LSM14A: variants seen among roughly 807,000 people sequenced by gnomAD.
The protein encoded by LSM14A is protein LSM14 homolog A.
In LSM14A, 14 loss-of-function variants were observed where a neutral mutation model predicts 52.4. That is an observed-to-expected ratio of 0.27 (90% CI 0.18 to 0.42). The LOEUF is 0.42. Ranked by LOEUF, LSM14A falls within the 10% of genes least tolerant of loss-of-function variation. LSM14A has a pLI of 1.00. For missense variants in LSM14A, 417 were observed against 581.8 expected, an observed-to-expected ratio of 0.72 and a Z score of 2.91; for synonymous variants, 185 against 200.3, an observed-to-expected ratio of 0.92 and a Z score of 0.64.
intron 6 of LSM14A, among the ~76,000 whole-genome samples, chr19:34,216,513 G>T (rs1446314009): frequency 6.6e-6 from 1 of 151,950 alleles, no homozygotes; most frequent in African/African-American, 2.4e-5. Flanking sequence ...AGGCTGTAGT[G>T]CAGTGGTGTG....
At chr19:34,194,694 G>T in intron 2 of LSM14A, 53 bp downstream of exon 2, 1 of 1,566,792 alleles carries the variant, frequency 6.4e-7, no homozygotes, top group Non-Finnish European at 8.8e-7. Context: ...CACAGGGTTA[G>T]CCTTGGCTTT....
chr19:34,205,216 G>T (rs554263045), intron 3 of LSM14A, among the ~76,000 whole-genome samples: 1 of 151,474 alleles, frequency 6.6e-6, no homozygotes, highest in Non-Finnish European at 1.5e-5. Flanking sequence ...GCCAGGTGTG[G>T]TGTCTCCCAC....
At chr19:34,200,985 C>T (rs555139465) in intron 3 of LSM14A, among the ~76,000 whole-genome samples, 4 of 152,206 alleles carry the variant, frequency 2.6e-5, no homozygotes, top group African/African-American at 9.6e-5. Flanking sequence ...GGATCAAGCA[C>T]GTAGTATCTA....
rs1205177052 is a variant in LSM14A at position 34,215,207 on chromosome 19, G to T, written c.622G>T (p.Ala208Ser). Reference sequence around the variant, plus strand: ...GCAGACCGCCTCAGCCCACTTACCTGCTCCAGCAGCTGTTGGGAGAAGGAG... The same window carrying T: ...GCAGACCGCCTCAGCCCACTTACCTTCTCCAGCAGCTGTTGGGAGAAGGAG... Reference protein sequence around the residue: ...AVQTASAHLPAPAAVGRRSPV... With the variant: ...AVQTASAHLPSPAAVGRRSPV... The change falls in exon 5 of 10, where the codon GCT (alanine) becomes TCT (serine). Residue 208 changes from alanine to serine, a missense_variant. Physicochemically the swap from Ala to Ser is moderately conservative, Grantham distance 99. Around this residue, in one of 2 missense-constraint regions of LSM14A, gnomAD observed 357 missense variants for 457.0 expected, o/e 0.78. Coordinates refer to ENST00000544216, the MANE Select transcript of LSM14A (RefSeq NM_015578.4). 1 of 1,614,146 alleles carries T rather than the reference G, an allele frequency of 6.2e-7. No homozygotes were observed.
At chr19:34,221,896 A>G in intron 9 of LSM14A, 158 bp downstream of exon 9, 1 of 1,373,734 alleles carries the variant, frequency 7.3e-7, no homozygotes, top group Non-Finnish European at 9.6e-7. Flanking sequence ...TCAGATGTAT[A>G]TATAAAGACA....
Position 34,221,706 on chromosome 19 carries a change from G to T in LSM14A, c.1336G>T (p.Gly446Trp). Residue 446 changes from glycine (G) to tryptophan (W), a missense_variant, in exon 9 of 10, where the codon GGG becomes TGG. By Grantham distance (184) the Gly-to-Trp change is radical (BLOSUM62 -2). This residue lies in a region of LSM14A where 357 missense variants were observed against 457.0 expected (regional missense o/e 0.78). Coordinates refer to ENST00000544216, the MANE Select transcript of LSM14A (RefSeq NM_015578.4). ...GFRGGFRGGR[G>W]GREFADFEYR... The stretch of plus-strand genomic sequence containing the variant: ...TCGCGGTGGATTCAGAGGAGGTCGT[G>T]GGGGCCGGGAGTTTGCGGATTTTGA... The T allele has an allele frequency of 6.2e-7, 1 of 1,613,844 alleles. No individual in the cohort carries two copies. Among genetic ancestry groups the T allele is most frequent in the Non-Finnish European group, 8.5e-7 (1 of 1,179,778 alleles).
chr19:34,205,123 C>T (rs1047030985), intron 3 of LSM14A, among the ~76,000 whole-genome samples: 1 of 152,004 alleles, frequency 6.6e-6, no homozygotes, highest in Non-Finnish European at 1.5e-5. Flanking sequence ...CAGGGCAAGA[C>T]TTTGTCTCAA....
In LSM14A at chr19:34,215,106, C is replaced by T. The variant is rs759413692; in HGVS notation, c.539-18C>T. 21 of 1,589,060 alleles carry T rather than the reference C, an allele frequency of 1.3e-5. No homozygotes were observed. Among genetic ancestry groups the T allele is most frequent in the Middle Eastern group, 1.8e-4 (1 of 5,490 alleles). On this transcript the variant is annotated intron_variant, in intron 4 of 9. Coordinates refer to ENST00000544216, the MANE Select transcript of LSM14A (RefSeq NM_015578.4). ...AATCCCCAATAGGGTAGTTTGTTATCTTTTGGTTACATTTTAGGTCGCTCA... is the reference window on the plus strand; with the variant it reads ...AATCCCCAATAGGGTAGTTTGTTATTTTTTGGTTACATTTTAGGTCGCTCA...
At position 34,176,281 on chromosome 19, in the gene LSM14A, CT is replaced by C. The variant is rs573167728; in HGVS notation, c.121+3530del. Among the ~76,000 whole-genome samples the C allele has an allele frequency of 7.9e-3, 1,155 of 146,028 alleles. 13 individuals are homozygous for C. Among genetic ancestry groups the C allele is most frequent in the African/African-American group, 0.021 (832 of 40,110 alleles). On this transcript the variant is annotated intron_variant, in intron 1 of 9. Transcript: ENST00000544216. ...AACAGTCTTAGCATTCTCTTTTGAA[CT>C]TTTTTTTTTTTAATTTCTCAGGGAG...
At chr19:34,187,262 A>G (rs1445483110) in intron 1 of LSM14A, among the ~76,000 whole-genome samples, 1 of 151,712 alleles carries the variant, frequency 6.6e-6, no homozygotes. Flanking sequence ...AAAAAAAAAA[A>G]AGTTCAGGCT....
intron 3 of LSM14A, among the ~76,000 whole-genome samples, chr19:34,197,523 C>T (rs934060793): frequency 1.3e-5 from 2 of 148,472 alleles, no homozygotes; most frequent in African/African-American, 2.5e-5. Flanking sequence ...ACTGCAACCT[C>T]CACCTCCCAG....
At chr19:34,215,770 G>T in intron 6 of LSM14A, 109 bp downstream of exon 6, 1 of 767,376 alleles carries the variant, frequency 1.3e-6, no homozygotes, top group Non-Finnish European at 2.2e-6. Flanking sequence ...GGTTGTGACT[G>T]TAAAGGAGGA....
intron 3 of LSM14A, among the ~76,000 whole-genome samples, chr19:34,207,546 T>A (rs2071794494): frequency 6.6e-6 from 1 of 151,570 alleles, no homozygotes; most frequent in South Asian, 2.1e-4. Context: ...TTTTTTTTTT[T>A]TTTGAGACAG....
At chr19:34,173,258 G>A (rs141289842) in intron 1 of LSM14A, among the ~76,000 whole-genome samples, 2 of 152,314 alleles carry the variant, frequency 1.3e-5, no homozygotes, top group African/African-American at 2.4e-5. Context: ...GGTTTGCTCT[G>A]CGACGCAGAC....
intron 1 of LSM14A, among the ~76,000 whole-genome samples, chr19:34,186,189 G>A (rs1312513810): frequency 2.0e-5 from 3 of 152,322 alleles, no homozygotes; most frequent in East Asian, 1.9e-4. Flanking sequence ...TTCTAGAAGG[G>A]TAGTATAGAC....
At chr19:34,175,903 T>C (rs2069057062) in intron 1 of LSM14A, among the ~76,000 whole-genome samples, 1 of 152,130 alleles carries the variant, frequency 6.6e-6, no homozygotes, top group African/African-American at 2.4e-5. Context: ...TTGCCCAGGC[T>C]GGAGTGCAGT....
At chr19:34,208,894 A>T (rs1284320359) in intron 3 of LSM14A, 35 bp from the exon 4 acceptor site, 6 of 1,474,682 alleles carry the variant, frequency 4.1e-6, no homozygotes, top group Admixed American at 2.4e-5. Context: ...AACATTTTTT[A>T]AAATTTTTTT....
At chr19:34,184,217 G>A (rs2069718468) in intron 1 of LSM14A, among the ~76,000 whole-genome samples, 1 of 152,002 alleles carries the variant, frequency 6.6e-6, no homozygotes, top group Non-Finnish European at 1.5e-5. Flanking sequence ...CACCATGCCA[G>A]CTAATTTTTG....
At chr19:34,196,557 T>TA in intron 2 of LSM14A, 77 bp from the exon 3 acceptor site, 2 of 1,425,774 alleles carry the variant, frequency 1.4e-6, no homozygotes, top group Non-Finnish European at 1.9e-6. Context: ...TTCTTAAAAG[T>TA]AAAAATCTGG....
Sources: allele counts gnomAD v4.1 joint callset (sites outside exome capture counted in the v4.1 genomes callset), GRCh38; gene constraint gnomAD v4.1.1; regional missense constraint gnomAD v4.1.1; transcripts MANE v1.5; gene names NCBI Gene and HGNC (gene_info 2026-07-23, HGNC 2026-07-21).